The following ASTN2 variants were observed in gnomAD, a reference collection of about 807,000 sequenced individuals.
The protein encoded by ASTN2 is astrotactin-2.
A neutral mutation model predicts 139.8 loss-of-function variants in ASTN2; 54 were observed. That is an observed-to-expected ratio of 0.39 (90% confidence interval 0.31 to 0.48). ASTN2 has a LOEUF of 0.48. ASTN2 is among the 20% of genes least tolerant of loss of function. The pLI is 0.95. For missense variants in ASTN2, 1,565 were observed against 1,725.1 expected (o/e 0.91, Z 1.64); for synonymous variants, 756 against 719.5 (o/e 1.05, Z -0.81).
intron 20 of ASTN2, among the ~76,000 whole-genome samples, chr9:116,476,514 C>A (rs1052934294): frequency 6.6e-6 from 1 of 152,128 alleles, no homozygotes; most frequent in Non-Finnish European, 1.5e-5. Context: ...CAGGTAACAG[C>A]CTGGTCCTTT....
At chr9:116,847,547 C>T (rs1832476693) in intron 11 of ASTN2, among the ~76,000 whole-genome samples, 1 of 152,198 alleles carries the variant, frequency 6.6e-6, no homozygotes, top group African/African-American at 2.4e-5. Flanking sequence ...CTTTGTGTAG[C>T]TCATTAATAA....
chr9:116,636,607 G>A (rs762666815), intron 17 of ASTN2, among the ~76,000 whole-genome samples: 10 of 152,060 alleles, frequency 6.6e-5, no homozygotes, highest in Admixed American at 3.3e-4. Flanking sequence ...GTTTGAACCC[G>A]GGAGGTGGAG....
intron 19 of ASTN2, among the ~76,000 whole-genome samples, chr9:116,588,776 C>T (rs1303976841): frequency 5.3e-5 from 8 of 152,094 alleles, no homozygotes; most frequent in Non-Finnish European, 1.2e-4. Context: ...CATACTTCAA[C>T]GTTTTTGAAA....
intron 11 of ASTN2, among the ~76,000 whole-genome samples, chr9:116,828,381 A>T (rs946006113): frequency 3.9e-5 from 6 of 152,174 alleles, no homozygotes; most frequent in African/African-American, 1.4e-4. Flanking sequence ...ATCAGGTGGA[A>T]TTTATCCCTG....
At chr9:117,322,501 T>C (rs1828364058) in intron 1 of ASTN2, among the ~76,000 whole-genome samples, 2 of 152,204 alleles carry the variant, frequency 1.3e-5, no homozygotes, top group Non-Finnish European at 2.9e-5. Context: ...AGATAACTCA[T>C]CTAACATCAC....
chr9:116,949,553 C>A (rs1835499000), intron 10 of ASTN2, among the ~76,000 whole-genome samples: 1 of 152,104 alleles, frequency 6.6e-6, no homozygotes, highest in Non-Finnish European at 1.5e-5. Context: ...GATGTGAAGG[C>A]CCTGGTTCTG....
intron 5 of ASTN2, among the ~76,000 whole-genome samples, chr9:117,049,575 A>T (rs540307637): frequency 6.6e-6 from 1 of 152,322 alleles, no homozygotes; most frequent in South Asian, 2.1e-4. Context: ...ACATTATCCT[A>T]TTTAAACTTC....
chr9:117,018,346 G>A (rs1438110439), intron 6 of ASTN2, among the ~76,000 whole-genome samples: 1 of 152,088 alleles, frequency 6.6e-6, no homozygotes, highest in East Asian at 1.9e-4. Flanking sequence ...CCTTTCCCAA[G>A]AAATCTGCAG....
chr9:117,186,111 C>T (rs990230062), intron 3 of ASTN2, among the ~76,000 whole-genome samples: 4 of 152,290 alleles, frequency 2.6e-5, no homozygotes, highest in East Asian at 3.9e-4. Context: ...TCCTCTGCTT[C>T]GGTCTCCTCA....
chr9:116,911,278 C>T (rs557355579), intron 10 of ASTN2, among the ~76,000 whole-genome samples: 103 of 152,206 alleles, frequency 6.8e-4, no homozygotes, highest in South Asian at 5.4e-3. Context: ...AAGATCAAGA[C>T]GCTTATCCAT....
intron 3 of ASTN2, among the ~76,000 whole-genome samples, chr9:117,143,233 T>A (rs186868974): frequency 6.6e-6 from 1 of 152,306 alleles, no homozygotes; most frequent in Non-Finnish European, 1.5e-5. Flanking sequence ...TCCCTTGCTA[T>A]CTCTCTCCAC....
At chr9:117,407,367 C>T (rs374642590) in intron 1 of ASTN2, among the ~76,000 whole-genome samples, 62 of 152,238 alleles carry the variant, frequency 4.1e-4, no homozygotes, top group East Asian at 1.4e-3. Flanking sequence ...TCTGCAAGTA[C>T]GGAGGATGGA....
chr9:116,826,845 T>C (rs1831643029), intron 11 of ASTN2, among the ~76,000 whole-genome samples: 1 of 152,162 alleles, frequency 6.6e-6, no homozygotes, highest in Non-Finnish European at 1.5e-5. Flanking sequence ...GTATTCAAGG[T>C]CCCAGCTTAA....
chr9:116,595,406 C>A (rs1312310498), intron 19 of ASTN2, among the ~76,000 whole-genome samples: 1 of 152,106 alleles, frequency 6.6e-6, no homozygotes, highest in African/African-American at 2.4e-5. Context: ...CGGCTCACTA[C>A]AACCTCCACC....
intron 5 of ASTN2, among the ~76,000 whole-genome samples, chr9:117,054,745 G>A (rs10119137): frequency 0.02 from 3,081 of 152,278 alleles, 92 homozygotes; most frequent in African/African-American, 0.07. Flanking sequence ...GCAGGGAACA[G>A]CTCATAAAAT....
chr9:116,635,075 C>T (rs1379430277), intron 17 of ASTN2, among the ~76,000 whole-genome samples: 1 of 152,202 alleles, frequency 6.6e-6, no homozygotes, highest in Non-Finnish European at 1.5e-5. Context: ...CAGTTAAATA[C>T]TATTATTACC....
chr9:117,161,864 CT>C (rs11388034), intron 3 of ASTN2, among the ~76,000 whole-genome samples: 3 of 147,052 alleles, frequency 2.0e-5, no homozygotes, highest in African/African-American at 7.3e-5. Context: ...TTTTCTTTTT[CT>C]TTTTTTTTAG....
At position 116,813,987 on chromosome 9, in the gene ASTN2, G is replaced by A. The variant is rs1164496425; in HGVS notation, c.2207+6630C>T. 2.0e-5 allele frequency among the ~76,000 whole-genome samples: 3 copies of A among 149,390 alleles called. No homozygotes were observed. The Admixed American group carries it at 2.0e-4, about 10-fold the overall frequency. On this transcript the variant is annotated intron_variant, in intron 12 of 22. Transcript: ENST00000313400. ...GGAGGAGGTGGTTGCGGTGAACTGA[G>A]ATTGTGCCATTGCGCTCCAGCCTGG...
At chr9:116,756,306 TG>T (rs1829530485) in intron 13 of ASTN2, among the ~76,000 whole-genome samples, 2 of 152,192 alleles carry the variant, frequency 1.3e-5, no homozygotes, top group Non-Finnish European at 2.9e-5. Context: ...CCAGAGCTCA[TG>T]GTCTCAGGCC....
Sources: gnomAD v4.1 joint callset for allele counts (sites outside exome capture counted in the v4.1 genomes callset) on GRCh38, gnomAD v4.1.1 for gene constraint, MANE v1.5 for transcripts, NCBI Gene and HGNC (gene_info 2026-07-23, HGNC 2026-07-21) for gene names.